The following NTRK2 variants were observed in gnomAD, a reference collection of about 807,000 sequenced individuals.
NTRK2 encodes the protein neurotrophic receptor tyrosine kinase 2.
NTRK2 carries 13 observed loss-of-function variants against 94.5 expected under a neutral mutation model. The observed-to-expected ratio is 0.14, with a 90% confidence interval of 0.09 to 0.22. The LOEUF is 0.22. Among genes scored for constraint, NTRK2 ranks in the 10% least tolerant of loss-of-function variants. The pLI is 1.00. For synonymous variants in NTRK2, 372 were observed against 407.4 expected, an observed-to-expected ratio of 0.91 and a Z score of 1.05; for missense variants, 639 against 1,071.2, an observed-to-expected ratio of 0.60 and a Z score of 5.63.
At chr9:84,939,066 A>AG (rs1451147901) in intron 15 of NTRK2, among the ~76,000 whole-genome samples, 3 of 150,182 alleles carry the variant, frequency 2.0e-5, no homozygotes, top group Non-Finnish European at 4.4e-5. Flanking sequence ...AAAAAAAAAA[A>AG]AAAAAGAAAA....
At chr9:84,698,905 G>A (rs2060550488) in intron 2 of NTRK2, among the ~76,000 whole-genome samples, 1 of 152,176 alleles carries the variant, frequency 6.6e-6, no homozygotes, top group South Asian at 2.1e-4. Context: ...CTTAGTGGTA[G>A]CTAAGGAGAG....
intron 6 of NTRK2, among the ~76,000 whole-genome samples, chr9:84,712,822 C>A (rs2061494865): frequency 6.6e-6 from 1 of 152,134 alleles, no homozygotes; most frequent in Non-Finnish European, 1.5e-5. Context: ...TCTTTTTAAC[C>A]ATTACGTGAA....
intron 15 of NTRK2, among the ~76,000 whole-genome samples, chr9:84,935,076 A>G (rs1319708847): frequency 2.0e-5 from 3 of 152,218 alleles, no homozygotes; most frequent in African/African-American, 7.2e-5. Context: ...CACCAAAATA[A>G]TGGGTAATAT....
chr9:84,841,117 C>T (rs967493684), intron 12 of NTRK2, among the ~76,000 whole-genome samples: 1 of 152,154 alleles, frequency 6.6e-6, no homozygotes, highest in Non-Finnish European at 1.5e-5. Context: ...TGGGTAGAAA[C>T]CTCAGATGCA....
chr9:84,691,218 A>G lies in NTRK2; in HGVS notation c.213-10941A>G, dbSNP rs75333917. ...AAAAGGAATTTCTTTTGCAGGAACA[A>G]TAAGTGATGTAACGCACAGTTTTTA... On this transcript the variant is annotated intron_variant, in intron 2 of 18. Coordinates refer to ENST00000277120, the MANE Select transcript of NTRK2 (RefSeq NM_006180.6). 3.0e-3 allele frequency among the ~76,000 whole-genome samples: 460 copies of G among 152,354 alleles called. 15 individuals are homozygous for G. The East Asian group carries it at 0.066, about 22-fold the overall frequency.
chr9:84,878,281 G>A (rs555081721), intron 14 of NTRK2, among the ~76,000 whole-genome samples: 1 of 152,284 alleles, frequency 6.6e-6, no homozygotes, highest in African/African-American at 2.4e-5. Context: ...GCTGGGATGA[G>A]TGTAAGGTGA....
chr9:84,767,788 A>G (rs1208006925), intron 12 of NTRK2, among the ~76,000 whole-genome samples: 1 of 152,136 alleles, frequency 6.6e-6, no homozygotes, highest in Admixed American at 6.6e-5. Context: ...CTTTTCCCCC[A>G]AATATCTGGG....
intron 14 of NTRK2, among the ~76,000 whole-genome samples, chr9:84,896,905 G>T (rs1467499641): frequency 6.6e-6 from 1 of 152,282 alleles, no homozygotes; most frequent in East Asian, 1.9e-4. Flanking sequence ...AGAGTTAGGA[G>T]CAAGAGGAGT....
chr9:84,856,261 A>G (rs1410889305), intron 12 of NTRK2, among the ~76,000 whole-genome samples: 1 of 152,180 alleles, frequency 6.6e-6, no homozygotes, highest in African/African-American at 2.4e-5. Context: ...TTTAACTCAA[A>G]GCAAGCTCTC....
At chr9:84,722,945 A>T (rs2062174712) in intron 6 of NTRK2, among the ~76,000 whole-genome samples, 1 of 152,208 alleles carries the variant, frequency 6.6e-6, no homozygotes, top group African/African-American at 2.4e-5. Flanking sequence ...TTTACCTATA[A>T]TATTTAACTA....
intron 12 of NTRK2, among the ~76,000 whole-genome samples, chr9:84,858,333 T>G (rs117128319): frequency 0.012 from 1,888 of 152,254 alleles, 21 homozygotes; most frequent in Non-Finnish European, 0.021. Context: ...TGAGTGTTTT[T>G]TTTGTTTGTT....
At chr9:84,903,368 C>T (rs1181133767) in intron 14 of NTRK2, among the ~76,000 whole-genome samples, 2 of 152,150 alleles carry the variant, frequency 1.3e-5, no homozygotes, top group African/African-American at 2.4e-5. Flanking sequence ...AGGATGGAAG[C>T]CATAGGAAAG....
chr9:84,691,301 G>C (rs1305416684), intron 2 of NTRK2, among the ~76,000 whole-genome samples: 1 of 152,176 alleles, frequency 6.6e-6, no homozygotes, highest in Non-Finnish European at 1.5e-5. Flanking sequence ...GTGAAAGTTG[G>C]AGGAAGTGAC....
At chr9:84,676,240 T>C (rs2131337462) in intron 2 of NTRK2, among the ~76,000 whole-genome samples, 1 of 152,250 alleles carries the variant, frequency 6.6e-6, no homozygotes, top group African/African-American at 2.4e-5. Context: ...GGCTCTGAAG[T>C]TCCCTGAAGC....
intron 12 of NTRK2, among the ~76,000 whole-genome samples, chr9:84,780,046 T>G (rs2067415625): frequency 6.6e-6 from 1 of 151,442 alleles, no homozygotes; most frequent in Non-Finnish European, 1.5e-5. Flanking sequence ...ACTCTGCGGT[T>G]TTTTTTTTCC....
chr9:84,697,637 GC>G (rs1203728969), intron 2 of NTRK2, among the ~76,000 whole-genome samples: 1 of 152,168 alleles, frequency 6.6e-6, no homozygotes, highest in African/African-American at 2.4e-5. Context: ...GGGATCAGTT[GC>G]CCTGAGGCAG....
chr9:84,746,722 T>A (rs1369659088), intron 11 of NTRK2, among the ~76,000 whole-genome samples: 2 of 152,146 alleles, frequency 1.3e-5, no homozygotes, highest in African/African-American at 2.4e-5. Context: ...GCTCCAGTCC[T>A]GCTCTTTGTA....
At chr9:84,739,243 G>T (rs1265383132) in intron 9 of NTRK2, among the ~76,000 whole-genome samples, 1 of 151,882 alleles carries the variant, frequency 6.6e-6, no homozygotes. Flanking sequence ...TACAGATGAG[G>T]TTTCCCCATG....
At chr9:84,923,018 G>A (rs1215743786) in intron 14 of NTRK2, among the ~76,000 whole-genome samples, 1 of 152,118 alleles carries the variant, frequency 6.6e-6, no homozygotes, top group Non-Finnish European at 1.5e-5. Context: ...AAGCCATTTG[G>A]GATGCCTCCA....
Sources: allele counts gnomAD v4.1 joint callset (sites outside exome capture counted in the v4.1 genomes callset), GRCh38; gene constraint gnomAD v4.1.1; transcripts MANE v1.5; gene names NCBI Gene and HGNC (gene_info 2026-07-23, HGNC 2026-07-21).